The following SLC24A4 variants were observed in gnomAD, a reference collection of about 807,000 sequenced individuals.
The protein encoded by SLC24A4 is solute carrier family 24 member 4, also known as sodium/potassium/calcium exchanger 4.
SLC24A4 carries 53 observed loss-of-function variants against 79.0 expected under a neutral mutation model. That is an observed-to-expected ratio of 0.67 (90% CI 0.54 to 0.84). The LOEUF (loss-of-function observed/expected upper bound fraction) is 0.84. Among genes scored for constraint, SLC24A4 ranks in the 40% least tolerant of loss-of-function variants. The probability of loss-of-function intolerance (pLI) is 0.00; values close to 1 mark genes in which losing one functional copy is unlikely to be tolerated. For missense variants in SLC24A4, 731 were observed against 822.0 expected (o/e 0.89, Z 1.35); for synonymous variants, 323 against 323.8 (o/e 1.00, Z 0.03).
At chr14:92,425,504 G>T (rs1891516542) in intron 2 of SLC24A4, among the ~76,000 whole-genome samples, 1 of 152,182 alleles carries the variant, frequency 6.6e-6, no homozygotes, top group South Asian at 2.1e-4. Flanking sequence ...TGCTGCAGAG[G>T]CTGTGGTCTG....
At chr14:92,361,863 G>A (rs1179286004) in intron 2 of SLC24A4, among the ~76,000 whole-genome samples, 1 of 152,132 alleles carries the variant, frequency 6.6e-6, no homozygotes, top group Non-Finnish European at 1.5e-5. Flanking sequence ...TGTCCAGCTG[G>A]TGGTTGGAAA....
rs200020842 is a variant in SLC24A4, at chr14:92,455,406, T to C, written c.1051-998T>C. On this transcript the variant is annotated intron_variant, in intron 11 of 16. Transcript: ENST00000532405. ...CCATATCGTGGGTTATTCAATATAA[T>C]AGAATACTACACAGCCATGAAAAAT... Among the ~76,000 whole-genome samples the C allele has an allele frequency of 3.2e-3, 492 of 152,338 alleles. 10 individuals carry two copies. The South Asian group carries it at 0.042, about 13-fold the overall frequency.
chr14:92,444,916 C>A (rs1247422920), intron 7 of SLC24A4, among the ~76,000 whole-genome samples: 1 of 133,432 alleles, frequency 7.5e-6, no homozygotes, highest in Non-Finnish European at 1.6e-5. Flanking sequence ...ACACACACAC[C>A]CTATATACAC....
At chr14:92,354,810 A>G (rs1887084650) in intron 2 of SLC24A4, among the ~76,000 whole-genome samples, 1 of 152,126 alleles carries the variant, frequency 6.6e-6, no homozygotes, top group Non-Finnish European at 1.5e-5. Context: ...ATGGTGGCTC[A>G]TGCCTGTAAT....
chr14:92,493,282 C>T (rs1166146446), intron 16 of SLC24A4, among the ~76,000 whole-genome samples, 194 bp from the exon 17 acceptor site: 2 of 152,120 alleles, frequency 1.3e-5, no homozygotes, highest in African/African-American at 2.4e-5. Flanking sequence ...AGAGACTCGC[C>T]CTTTCATGGG....
chr14:92,432,642 C>CA (rs1440613554), intron 2 of SLC24A4, among the ~76,000 whole-genome samples: 1 of 151,920 alleles, frequency 6.6e-6, no homozygotes, highest in Non-Finnish European at 1.5e-5. Context: ...AGTTTGATTA[C>CA]AAAAAAAGAG....
intron 2 of SLC24A4, among the ~76,000 whole-genome samples, chr14:92,377,568 T>G (rs964170021): frequency 1.3e-5 from 2 of 152,136 alleles, no homozygotes; most frequent in African/African-American, 4.8e-5. Flanking sequence ...GAGACAGCCG[T>G]GGCTGCAATG....
chr14:92,384,633 G>T (rs1217498261), intron 2 of SLC24A4, among the ~76,000 whole-genome samples: 1 of 152,134 alleles, frequency 6.6e-6, no homozygotes, highest in South Asian at 2.1e-4. Flanking sequence ...GTCAATCCTG[G>T]CTGGCTTCAT....
At chr14:92,352,553 A>G (rs987431154) in intron 2 of SLC24A4, among the ~76,000 whole-genome samples, 1 of 152,144 alleles carries the variant, frequency 6.6e-6, no homozygotes, top group African/African-American at 2.4e-5. Context: ...TTGCCATTAG[A>G]TTAGGTTCTG....
Position 92,442,046 on chromosome 14 carries a change from C to G in SLC24A4, c.394-43C>G, listed in dbSNP as rs773043715. On this transcript the variant is annotated intron_variant, in intron 4 of 16. Coordinates refer to ENST00000532405, the MANE Select transcript of SLC24A4 (RefSeq NM_153646.4). ...TAGAGCGTCCAGTGATGTCCAGTAC[C>G]CCCACGTCACACCCTGAGGGTCTGT... The G allele has an allele frequency of 2.0e-6, 3 of 1,508,300 alleles. No homozygotes were observed. In the South Asian group the frequency reaches 3.4e-5, roughly 17 times the overall value. The allele number at this position is 1,508,300 out of a possible 1,614,324, so 93.4% of individuals were successfully genotyped here.
Position 92,464,744 on chromosome 14 carries a change from A to G in SLC24A4, c.1255+8136A>G, listed in dbSNP as rs1367758308. Among the ~76,000 whole-genome samples the G allele has an allele frequency of 3.9e-5, 6 of 152,304 alleles. No homozygotes were observed. In the East Asian group the frequency reaches 1.2e-3, roughly 29 times the overall value. Reference sequence around the variant, plus strand: ...TGCAGATACACTGGAAGGAGGCTGGAATATGGGGGCTGCCGAGGATGTCAC... The same window carrying G: ...TGCAGATACACTGGAAGGAGGCTGGGATATGGGGGCTGCCGAGGATGTCAC... On this transcript the variant is annotated intron_variant, in intron 12 of 16. Coordinates refer to ENST00000532405, the MANE Select transcript of SLC24A4 (RefSeq NM_153646.4).
At chr14:92,422,528 A>G (rs537042025) in intron 2 of SLC24A4, among the ~76,000 whole-genome samples, 10 of 152,326 alleles carry the variant, frequency 6.6e-5, no homozygotes, top group Admixed American at 5.2e-4. Flanking sequence ...CAGTTTGCCC[A>G]TGTTTGAAAT....
intron 3 of SLC24A4, among the ~76,000 whole-genome samples, chr14:92,435,555 A>G (rs566315411): frequency 1.3e-5 from 2 of 152,298 alleles, no homozygotes; most frequent in Admixed American, 1.3e-4. Context: ...TGGATCAACC[A>G]CAGCAAATTT....
intron 2 of SLC24A4, among the ~76,000 whole-genome samples, chr14:92,339,148 C>T (rs778623983): frequency 2.6e-5 from 4 of 152,184 alleles, no homozygotes; most frequent in Admixed American, 1.3e-4. Context: ...CTGGTGGTCC[C>T]GTCCTAGATG....
intron 12 of SLC24A4, among the ~76,000 whole-genome samples, chr14:92,471,014 C>G (rs1016518684): frequency 6.6e-6 from 1 of 152,198 alleles, no homozygotes; most frequent in Non-Finnish European, 1.5e-5. Context: ...AGCTTACATC[C>G]CTTTGGGTTA....
At position 92,447,327 on chromosome 14, in the gene SLC24A4, C is replaced by G. The variant is rs201374550; in HGVS notation, c.684-44C>G. On this transcript the variant is annotated intron_variant, in intron 8 of 16. Transcript: ENST00000532405. Reference sequence around the variant, plus strand: ...CCCCTCATTCCCAGCCTTCACCTGCCCCGGGCCCCGAGCTCTAACCGCAAT... The same window carrying G: ...CCCCTCATTCCCAGCCTTCACCTGCGCCGGGCCCCGAGCTCTAACCGCAAT... The G allele has an allele frequency of 6.3e-6, 10 of 1,595,656 alleles. No individual in the cohort carries two copies. The Admixed American group carries it at 1.5e-4, about 24-fold the overall frequency.
chr14:92,443,804 G>A (rs1365005166), intron 7 of SLC24A4, among the ~76,000 whole-genome samples: 1 of 152,222 alleles, frequency 6.6e-6, no homozygotes, highest in Non-Finnish European at 1.5e-5. Flanking sequence ...TAAGGCCTTA[G>A]CCAGGGTAGA....
chr14:92,371,913 G>C (rs1447592735), intron 2 of SLC24A4, among the ~76,000 whole-genome samples: 1 of 152,248 alleles, frequency 6.6e-6, no homozygotes, highest in Non-Finnish European at 1.5e-5. Context: ...ATGGCTGGGA[G>C]CCTGGGTGCA....
At chr14:92,334,136 A>G (rs1254958402) in intron 2 of SLC24A4, among the ~76,000 whole-genome samples, 4 of 152,200 alleles carry the variant, frequency 2.6e-5, no homozygotes, top group African/African-American at 9.7e-5. Flanking sequence ...CACACATCCA[A>G]ATTTTAAAGT....
Sources: allele counts gnomAD v4.1 joint callset (sites outside exome capture counted in the v4.1 genomes callset), GRCh38; gene constraint gnomAD v4.1.1; transcripts MANE v1.5; gene names NCBI Gene and HGNC (gene_info 2026-07-23, HGNC 2026-07-21).